The following TMEM192 variants were observed in gnomAD, a reference collection of about 807,000 sequenced individuals.
TMEM192 encodes the protein transmembrane protein 192.
TMEM192 carries 20 observed loss-of-function variants against 26.7 expected under a neutral mutation model. That is an observed-to-expected ratio of 0.75 (90% CI 0.53 to 1.09). The LOEUF (loss-of-function observed/expected upper bound fraction) is 1.09. Ranked by LOEUF, TMEM192 falls within the 50% of genes least tolerant of loss-of-function variation. The pLI is 0.00. For synonymous variants in TMEM192, 124 were observed against 121.0 expected (o/e 1.02, Z -0.16); for missense variants, 304 against 322.6 (o/e 0.94, Z 0.44).
At chr4:165,104,166 A>G (rs1252363603) in intron 1 of TMEM192, among the ~76,000 whole-genome samples, 1 of 152,240 alleles carries the variant, frequency 6.6e-6, no homozygotes, top group Non-Finnish European at 1.5e-5. Flanking sequence ...TAATTTGCTA[A>G]GAGTGTAGAT....
chr4:165,112,192 C>G lies in TMEM192; in HGVS notation c.27+555G>C, dbSNP rs563759375. 2.6e-3 allele frequency among the ~76,000 whole-genome samples: 390 copies of G among 152,276 alleles called. 1 individual carries two copies. Among genetic ancestry groups the G allele is most frequent in the Non-Finnish European group, 4.0e-3 (269 of 68,012 alleles). On this transcript the variant is annotated intron_variant, in intron 1 of 5. Coordinates refer to ENST00000306480, the MANE Select transcript of TMEM192 (RefSeq NM_001100389.2). Reference sequence around the variant, plus strand: ...AAACAACACATGACACTTTTTCTCTCGTGTGGGTTTCCAGGCCATGATAGC... The same window carrying G: ...AAACAACACATGACACTTTTTCTCTGGTGTGGGTTTCCAGGCCATGATAGC...
Position 165,076,304 on chromosome 4 carries a change from T to C in TMEM192, c.*3354A>G, listed in dbSNP as rs1276252727. On this transcript the variant is annotated 3_prime_UTR_variant, in exon 6 of 6. Coordinates refer to ENST00000306480, the MANE Select transcript of TMEM192 (RefSeq NM_001100389.2). The stretch of plus-strand genomic sequence containing the variant: ...ATATCTTTCTGCCACACATATTTCC[T>C]CCATATTGAACTACCATCTGATCCT... The C allele has an allele frequency of 6.6e-6, 1 of 152,098 alleles. No individual in the cohort carries two copies. Among genetic ancestry groups the C allele is most frequent in the African/African-American group, 2.4e-5 (1 of 41,420 alleles). The allele number at this position is 152,098 out of a possible 1,614,324, so 9.4% of individuals were successfully genotyped here. A position where few individuals can be genotyped will look rare whatever the true frequency, so the allele number is the denominator to read the frequency against.
chr4:165,109,986 TC>T (rs2110804337), intron 1 of TMEM192, among the ~76,000 whole-genome samples: 1 of 152,348 alleles, frequency 6.6e-6, no homozygotes, highest in African/African-American at 2.4e-5. Flanking sequence ...CATGGGTGTA[TC>T]TTTTGTTTTT....
At chr4:165,108,846 A>G (rs1380065678) in intron 1 of TMEM192, among the ~76,000 whole-genome samples, 1 of 152,038 alleles carries the variant, frequency 6.6e-6, no homozygotes, top group Non-Finnish European at 1.5e-5. Context: ...TCGATCTCCT[A>G]GACCCTCAAC....
chr4:165,073,356 G>C lies in TMEM192; in HGVS notation c.*6302C>G, dbSNP rs1310926003. On this transcript the variant is annotated 3_prime_UTR_variant, in exon 6 of 6. Coordinates refer to ENST00000306480, the MANE Select transcript of TMEM192 (RefSeq NM_001100389.2). ...GTGCCTTGTTAACAATATGTTTGCA[G>C]GTGGTATGCTTGGTAAAAGTCATCG... The C allele has an allele frequency of 6.6e-6, 1 of 152,280 alleles. No individual in the cohort carries two copies. Among genetic ancestry groups the C allele is most frequent in the East Asian group, 1.9e-4 (1 of 5,206 alleles). 9.4% of individuals were successfully genotyped at this position (152,280 alleles called of 1,614,324 possible).
chr4:165,073,629 G>T lies in TMEM192; in HGVS notation c.*6029C>A, dbSNP rs1216161018. Reference sequence around the variant, plus strand: ...GATAAGAGGAAGGCTTCTGTCTCCTGCTCGTCCCTGGGAATGGAATGTCTC... The same window carrying T: ...GATAAGAGGAAGGCTTCTGTCTCCTTCTCGTCCCTGGGAATGGAATGTCTC... On this transcript the variant is annotated 3_prime_UTR_variant, in exon 6 of 6. Transcript: ENST00000306480. 6.6e-6 allele frequency: 1 copy of T among 152,072 alleles called. No individual in the cohort carries two copies. The highest frequency in any genetic ancestry group is 1.5e-5 in the Non-Finnish European group (1 of 68,068). 9.4% of individuals were successfully genotyped at this position (152,072 alleles called of 1,614,324 possible). A position where few individuals can be genotyped will look rare whatever the true frequency, so the allele number is the denominator to read the frequency against.
Position 165,102,973 on chromosome 4 carries a change from C to T in TMEM192, c.151G>A (p.Val51Met), listed in dbSNP as rs1306272264. The T allele has an allele frequency of 6.2e-7, 1 of 1,612,322 alleles. No homozygotes were observed. The highest frequency in any genetic ancestry group is 1.7e-5 in the Admixed American group (1 of 59,714). The change falls in exon 2 of 6, where the codon GTG (valine) becomes ATG (methionine). Residue 51 changes from valine (V) to methionine (M), a missense_variant. Val to Met is a conservative substitution (Grantham distance 21). Transcript: ENST00000306480. ...ACATGAATAAACCACAGAAGATTCA[C>T]TATGATGACTGTAGGAAGAGGATGG... ...RFHPLPTVII[V>M]NLLWFIHLVF...
chr4:165,109,130 G>A (rs1210207477), intron 1 of TMEM192, among the ~76,000 whole-genome samples: 1 of 152,142 alleles, frequency 6.6e-6, no homozygotes, highest in Non-Finnish European at 1.5e-5. Context: ...AGTCCCTACT[G>A]AACTCTCTTA....
chr4:165,090,447 C>T (rs1215474639), intron 3 of TMEM192, among the ~76,000 whole-genome samples: 2 of 152,004 alleles, frequency 1.3e-5, no homozygotes, highest in Non-Finnish European at 2.9e-5. Context: ...GAGGGTGGTG[C>T]ACCCCAACTC....
Position 165,078,828 on chromosome 4 carries a change from C to CGCCCAGGCTGGA in TMEM192, c.*818_*829dup, listed in dbSNP as rs1350591068. ...TTTTTGAGACGGAGTCTCGCTCTGT[C>CGCCCAGGCTGGA]GCCCAGGCTGGAGTGCAGTGGCGTG... On this transcript the variant is annotated 3_prime_UTR_variant, in exon 6 of 6. Transcript: ENST00000306480. The CGCCCAGGCTGGA allele has an allele frequency of 6.6e-6, 1 of 152,438 alleles. No homozygotes were observed. The highest frequency in any genetic ancestry group is 2.4e-5 in the African/African-American group (1 of 41,452). The allele number at this position is 152,438 out of a possible 1,614,324, so 9.4% of individuals were successfully genotyped here.
intron 3 of TMEM192, among the ~76,000 whole-genome samples, chr4:165,091,246 T>C (rs1734755688): frequency 6.6e-6 from 1 of 151,874 alleles, no homozygotes; most frequent in Non-Finnish European, 1.5e-5. Context: ...CCAGCCTGGG[T>C]GACAGAGCGA....
chr4:165,089,040 C>CAAAAAAAAAAAAAA, intron 3 of TMEM192, among the ~76,000 whole-genome samples: 1 of 47,290 alleles, frequency 2.1e-5, no homozygotes, highest in Non-Finnish European at 3.4e-5. Context: ...GACCCTACTG[C>CAAAAAAAAAAAAAA]AAAAAAAAAA....
rs536579901 is a variant in TMEM192, at chr4:165,078,164, G to A, written c.*1494C>T. The A allele has an allele frequency of 1.1e-4, 16 of 152,268 alleles. No individual in the cohort carries two copies. The East Asian group carries it at 2.9e-3, about 28-fold the overall frequency. The allele number at this position is 152,268 out of a possible 1,614,324, so 9.4% of individuals were successfully genotyped here. ...TTTGCCCTCCATAAGTCAAATAGAT[G>A]TGGCCAAATCAATATATCCCTTGCC... On this transcript the variant is annotated 3_prime_UTR_variant, in exon 6 of 6. Transcript: ENST00000306480.
intron 4 of TMEM192, 65 bp from the exon 5 acceptor site, chr4:165,085,753 T>A: frequency 1.6e-6 from 2 of 1,219,932 alleles, no homozygotes; most frequent in East Asian, 4.7e-5. Context: ...TTTTTTCAAA[T>A]TATGCTAATT....
In TMEM192 at chr4:165,087,080, C is replaced by G. The variant is rs370074831; in HGVS notation, c.574+1388G>C. The stretch of plus-strand genomic sequence containing the variant: ...AGTAAGCTGAGATCACGCCATTGCA[C>G]TCCAGCCTGGGTGACGAGAGTGAAA... On this transcript the variant is annotated intron_variant, in intron 4 of 5. Coordinates refer to ENST00000306480, the MANE Select transcript of TMEM192 (RefSeq NM_001100389.2). Among the ~76,000 whole-genome samples, 175 of 152,118 alleles carry G rather than the reference C, an allele frequency of 1.2e-3. No homozygotes were observed. In the East Asian group the frequency reaches 0.022, roughly 19 times the overall value.
At chr4:165,094,475 G>T (rs1467851595) in intron 3 of TMEM192, among the ~76,000 whole-genome samples, 1 of 151,732 alleles carries the variant, frequency 6.6e-6, no homozygotes, top group African/African-American at 2.4e-5. Flanking sequence ...CTGACCAACA[G>T]GGAGAAACCC....
At chr4:165,101,459 T>A (rs1735037389) in intron 2 of TMEM192, among the ~76,000 whole-genome samples, 1 of 152,046 alleles carries the variant, frequency 6.6e-6, no homozygotes, top group African/African-American at 2.4e-5. Context: ...CTCAACCTCC[T>A]GGGCTCAAGC....
chr4:165,097,566 A>G (rs935866266), intron 3 of TMEM192, among the ~76,000 whole-genome samples: 3 of 128,016 alleles, frequency 2.3e-5, no homozygotes, highest in Non-Finnish European at 4.7e-5. Context: ...AATTCTGTGG[A>G]GCCTTTTTTT....
intron 3 of TMEM192, 108 bp from the exon 4 acceptor site, chr4:165,088,710 C>G: frequency 1.8e-6 from 2 of 1,131,550 alleles, no homozygotes; most frequent in Non-Finnish European, 2.4e-6. Context: ...GCTCCTAAAA[C>G]ACTTGTAATT....
Sources: gnomAD v4.1 joint callset for allele counts (sites outside exome capture counted in the v4.1 genomes callset) on GRCh38, gnomAD v4.1.1 for gene constraint, MANE v1.5 for transcripts, NCBI Gene and HGNC (gene_info 2026-07-23, HGNC 2026-07-21) for gene names.